The following FHIP1A variants were observed in gnomAD, a reference collection of about 807,000 sequenced individuals.
The protein encoded by FHIP1A is FHF complex subunit HOOK-interacting protein 1A.
FHIP1A carries 61 observed loss-of-function variants against 88.6 expected under a neutral mutation model. That is an observed-to-expected ratio of 0.69 (90% CI 0.56 to 0.85). FHIP1A has a LOEUF of 0.85. FHIP1A is among the 40% of genes least tolerant of loss of function. The pLI is 0.00. For synonymous variants in FHIP1A, 478 were observed against 496.0 expected (o/e 0.96, Z 0.48); for missense variants, 1,154 against 1,273.5 (o/e 0.91, Z 1.43).
rs1578838961 is a variant in FHIP1A at position 151,629,854 on chromosome 4, C to T, written c.1131C>T (p.Ile377=). The change falls in exon 8 of 14, where the codon ATC becomes ATT. Residue 377 remains isoleucine (I), a synonymous_variant. Transcript: ENST00000435205. ...TCCTAGACACTCTCACGAGTCGAAT[C>T]AACACCCCGTTTCGGGTAAGGAGAG... ...VHILDTLTSR[I]NTPFRLCVVS... The T allele has an allele frequency of 1.3e-6, 2 of 1,551,120 alleles. No homozygotes were observed. The highest frequency in any genetic ancestry group is 2.7e-5 in the African/African-American group (2 of 73,132).
intron 1 of FHIP1A, among the ~76,000 whole-genome samples, chr4:151,427,142 G>C (rs1030528631): frequency 2.6e-5 from 4 of 151,984 alleles, no homozygotes; most frequent in African/African-American, 9.7e-5. Flanking sequence ...TTTAAGGAAA[G>C]AAAACAATTC....
At position 151,666,705 on chromosome 4, in the gene FHIP1A, T is replaced by C. The variant is rs144048548; in HGVS notation, c.*3951T>C. Among the ~76,000 whole-genome samples, 9 of 152,304 alleles carry C rather than the reference T, an allele frequency of 5.9e-5. No individual in the cohort carries two copies. The East Asian group carries it at 7.7e-4, about 13-fold the overall frequency. On this transcript the variant is annotated 3_prime_UTR_variant, in exon 14 of 14. Coordinates refer to ENST00000435205, the MANE Select transcript of FHIP1A (RefSeq NM_001109977.3). Reference sequence around the variant, plus strand: ...CTGATTCCCAGGTCTGTTTGAGGTTTAGGGTTGTGGATGGGCTGCTCTTCT... The same window carrying C: ...CTGATTCCCAGGTCTGTTTGAGGTTCAGGGTTGTGGATGGGCTGCTCTTCT...
intron 7 of FHIP1A, among the ~76,000 whole-genome samples, chr4:151,621,247 T>G (rs1360310053): frequency 6.6e-6 from 1 of 152,134 alleles, no homozygotes; most frequent in South Asian, 2.1e-4. Context: ...TCTGATGGGA[T>G]GCTCCTCTGT....
chr4:151,553,808 T>A (rs1239410598), intron 3 of FHIP1A, among the ~76,000 whole-genome samples: 1 of 152,208 alleles, frequency 6.6e-6, no homozygotes, highest in Non-Finnish European at 1.5e-5. Context: ...CACTGTTCTG[T>A]TGACCTTATG....
chr4:151,425,504 A>AT (rs1321224198), intron 1 of FHIP1A, among the ~76,000 whole-genome samples: 1 of 152,130 alleles, frequency 6.6e-6, no homozygotes, highest in Non-Finnish European at 1.5e-5. Flanking sequence ...TTAAGGGACT[A>AT]TTTTTTGTTA....
At chr4:151,604,313 C>T (rs1734985219) in intron 7 of FHIP1A, among the ~76,000 whole-genome samples, 1 of 152,018 alleles carries the variant, frequency 6.6e-6, no homozygotes, top group Non-Finnish European at 1.5e-5. Flanking sequence ...TTGCATTTGA[C>T]CCTGCTTCCC....
intron 3 of FHIP1A, among the ~76,000 whole-genome samples, chr4:151,552,825 TAA>T (rs201295653): frequency 2.1e-5 from 3 of 139,690 alleles, no homozygotes; most frequent in African/African-American, 5.3e-5. Context: ...AAAGTATAAT[TAA>T]AAAAAAAAAA....
At chr4:151,624,288 T>G (rs1735861109) in intron 7 of FHIP1A, among the ~76,000 whole-genome samples, 1 of 152,186 alleles carries the variant, frequency 6.6e-6, no homozygotes, top group East Asian at 1.9e-4. Context: ...GTTAAATGCA[T>G]TGAGAGCAGC....
intron 2 of FHIP1A, among the ~76,000 whole-genome samples, chr4:151,469,504 AC>A (rs1294625546): frequency 3.3e-5 from 5 of 152,320 alleles, no homozygotes; most frequent in African/African-American, 1.2e-4. Context: ...TGATGACATC[AC>A]TAAAAACTAG....
intron 7 of FHIP1A, among the ~76,000 whole-genome samples, chr4:151,607,564 T>G (rs1323244926): frequency 6.6e-6 from 1 of 152,236 alleles, no homozygotes; most frequent in Non-Finnish European, 1.5e-5. Flanking sequence ...ATGCATTATA[T>G]TCAACTGATA....
chr4:151,477,516 A>G (rs1412026634), intron 2 of FHIP1A, among the ~76,000 whole-genome samples: 8 of 152,184 alleles, frequency 5.3e-5, no homozygotes, highest in Non-Finnish European at 1.0e-4. Flanking sequence ...GATATATTTG[A>G]TTACATTTTT....
intron 8 of FHIP1A, among the ~76,000 whole-genome samples, chr4:151,635,967 A>C (rs144405676): frequency 7.9e-5 from 12 of 152,112 alleles, no homozygotes; most frequent in African/African-American, 2.9e-4. Flanking sequence ...ATACATCTCA[A>C]CTCATTCTAT....
At chr4:151,592,419 C>T (rs1734473674) in intron 7 of FHIP1A, among the ~76,000 whole-genome samples, 1 of 152,182 alleles carries the variant, frequency 6.6e-6, no homozygotes, top group South Asian at 2.1e-4. Context: ...CAGGCGTGAG[C>T]CACCGCGCCC....
intron 3 of FHIP1A, among the ~76,000 whole-genome samples, chr4:151,522,090 G>T (rs1475336089): frequency 6.6e-6 from 1 of 152,146 alleles, no homozygotes; most frequent in East Asian, 1.9e-4. Context: ...ATCACTCTAT[G>T]ATCTATTATA....
chr4:151,518,049 A>G (rs753680415), intron 3 of FHIP1A, among the ~76,000 whole-genome samples: 53 of 152,244 alleles, frequency 3.5e-4, no homozygotes, highest in Middle Eastern at 3.2e-3. Flanking sequence ...TATAAAGTCT[A>G]TAGCAGTGTA....
chr4:151,589,998 A>G (rs928789003), intron 7 of FHIP1A, among the ~76,000 whole-genome samples: 2 of 152,222 alleles, frequency 1.3e-5, no homozygotes, highest in Non-Finnish European at 2.9e-5. Context: ...AAAGGAACCA[A>G]GTCTGTGAAA....
intron 5 of FHIP1A, among the ~76,000 whole-genome samples, chr4:151,579,154 G>A (rs984116765): frequency 3.3e-5 from 5 of 152,164 alleles, no homozygotes. Flanking sequence ...AAATTACTTT[G>A]TATGATACTA....
chr4:151,595,895 C>G (rs970956331), intron 7 of FHIP1A, among the ~76,000 whole-genome samples: 1 of 152,156 alleles, frequency 6.6e-6, no homozygotes, highest in Admixed American at 6.5e-5. Context: ...TCCTCCATCC[C>G]TTTATTTTGA....
chr4:151,640,582 C>A (rs1220447030), intron 9 of FHIP1A, among the ~76,000 whole-genome samples: 1 of 152,158 alleles, frequency 6.6e-6, no homozygotes, highest in African/African-American at 2.4e-5. Flanking sequence ...GCCAAAAAAA[C>A]CAGGCTTTTA....
Sources: allele counts gnomAD v4.1 joint callset (sites outside exome capture counted in the v4.1 genomes callset), GRCh38; gene constraint gnomAD v4.1.1; transcripts MANE v1.5; gene names NCBI Gene and HGNC (gene_info 2026-07-23, HGNC 2026-07-21).